The following DNAJC24 variants were observed in gnomAD, a reference collection of about 807,000 sequenced individuals.
DNAJC24 encodes DnaJ heat shock protein family (Hsp40) member C24, also known as dnaJ homolog subfamily C member 24.
DNAJC24 carries 17 observed loss-of-function variants against 18.0 expected under a neutral mutation model. The observed-to-expected ratio is 0.94, with a 90% CI of 0.65 to 1.42. The LOEUF (loss-of-function observed/expected upper bound fraction) is 1.42. Ranked by LOEUF, DNAJC24 falls within the 40% of genes most tolerant of loss-of-function variation. The pLI, the probability that DNAJC24 is intolerant of heterozygous loss-of-function variation, is 0.00. For synonymous variants in DNAJC24, 55 were observed against 57.7 expected, an observed-to-expected ratio of 0.95 and a Z score of 0.21; for missense variants, 158 against 175.6, an observed-to-expected ratio of 0.90 and a Z score of 0.57.
At chr11:31,422,042 G>C in intron 3 of DNAJC24, 1 of 397,978 alleles carries the variant, frequency 2.5e-6, no homozygotes, top group Non-Finnish European at 5.0e-6. Context: ...TGGAGCCACA[G>C]AATTCTTTCA....
intron 2 of DNAJC24, among the ~76,000 whole-genome samples, chr11:31,376,177 T>C (rs1952312977): frequency 6.6e-6 from 1 of 152,376 alleles, no homozygotes; most frequent in African/African-American, 2.4e-5. Flanking sequence ...CCTGCTGCCA[T>C]GTAAGACATG....
At chr11:31,375,189 G>A (rs1461343008) in intron 2 of DNAJC24, among the ~76,000 whole-genome samples, 1 of 134,678 alleles carries the variant, frequency 7.4e-6, no homozygotes, top group Admixed American at 7.6e-5. Flanking sequence ...TAATTAATTT[G>A]CCATTTAGTG....
At chr11:31,406,689 C>T (rs1952661164) in intron 2 of DNAJC24, among the ~76,000 whole-genome samples, 1 of 152,046 alleles carries the variant, frequency 6.6e-6, no homozygotes, top group Non-Finnish European at 1.5e-5. Context: ...GACTTTGAAG[C>T]AGGTAAGATG....
rs1317671186 is a variant in DNAJC24 at position 31,430,835 on chromosome 11, T to C, written c.*434T>C. Reference sequence around the variant, plus strand: ...GTTGTACACCTAGAATCTTTGTGAATAATGTGAGGCCAGTTCTTCCATAAG... The same window carrying C: ...GTTGTACACCTAGAATCTTTGTGAACAATGTGAGGCCAGTTCTTCCATAAG... On this transcript the variant is annotated 3_prime_UTR_variant, in exon 5 of 5. Transcript: ENST00000465995. The C allele has an allele frequency of 2.6e-5, 4 of 152,628 alleles. No individual in the cohort carries two copies. The highest frequency in any genetic ancestry group is 5.9e-5 in the Non-Finnish European group (4 of 68,074). 9.5% of individuals were successfully genotyped at this position (152,628 alleles called of 1,614,324 possible). A position where few individuals can be genotyped will look rare whatever the true frequency, so the allele number is the denominator to read the frequency against.
chr11:31,430,457 G>C lies in DNAJC24; in HGVS notation c.*56G>C. ...TGGTATTGAGACATGATGAGAAGCC[G>C]TTGAGCTTTGTCCATTCAAGGAAAT... On this transcript the variant is annotated 3_prime_UTR_variant, in exon 5 of 5. Transcript: ENST00000465995. 3 of 1,478,230 alleles carry C rather than the reference G, an allele frequency of 2.0e-6. No homozygotes were observed. Among genetic ancestry groups the C allele is most frequent in the Non-Finnish European group, 2.7e-6 (3 of 1,096,158 alleles). The allele number at this position is 1,478,230 out of a possible 1,614,324, so 91.6% of individuals were successfully genotyped here.
intron 2 of DNAJC24, 62 bp downstream of exon 2, chr11:31,370,921 CA>C: frequency 9.3e-7 from 1 of 1,069,798 alleles, no homozygotes; most frequent in African/African-American, 1.6e-5. Context: ...TATATGAAAC[CA>C]CAAATTTAGG....
At chr11:31,371,951 G>A (rs1287379249) in intron 2 of DNAJC24, among the ~76,000 whole-genome samples, 5 of 149,480 alleles carry the variant, frequency 3.3e-5, no homozygotes, top group African/African-American at 9.8e-5. Flanking sequence ...AGCCTCCCAA[G>A]TAGCTGGGAT....
chr11:31,405,909 AG>A (rs1043224422), intron 2 of DNAJC24, among the ~76,000 whole-genome samples: 5 of 152,220 alleles, frequency 3.3e-5, no homozygotes, highest in African/African-American at 1.2e-4. Context: ...CATAGGCAAA[AG>A]GGGGGCCAAA....
At chr11:31,411,902 G>A (rs924415219) in intron 2 of DNAJC24, among the ~76,000 whole-genome samples, 4 of 152,226 alleles carry the variant, frequency 2.6e-5, no homozygotes, top group African/African-American at 9.6e-5. Flanking sequence ...ACTTTGCTCT[G>A]CAAGTTGCTG....
At chr11:31,382,783 ACT>A (rs1237113193) in intron 2 of DNAJC24, among the ~76,000 whole-genome samples, 1 of 152,112 alleles carries the variant, frequency 6.6e-6, no homozygotes, top group Non-Finnish European at 1.5e-5. Flanking sequence ...CAGTTCTGAC[ACT>A]GTTTACCTGG....
intron 3 of DNAJC24, among the ~76,000 whole-genome samples, chr11:31,418,731 G>A (rs1167890445): frequency 6.6e-6 from 1 of 151,978 alleles, no homozygotes; most frequent in East Asian, 1.9e-4. Context: ...GAGGAGGTTG[G>A]GCCAGATACT....
chr11:31,391,509 A>G lies in DNAJC24; in HGVS notation c.111+20650A>G, dbSNP rs559462747. Among the ~76,000 whole-genome samples, 5 of 152,370 alleles carry G rather than the reference A, an allele frequency of 3.3e-5. 1 individual carries two copies. The highest frequency in any genetic ancestry group is 1.9e-4 in the East Asian group (1 of 5,184). On this transcript the variant is annotated intron_variant, in intron 2 of 4. Coordinates refer to ENST00000465995, the MANE Select transcript of DNAJC24 (RefSeq NM_181706.5). ...AAACAGGTGTATGAAAAGTTGTTCA[A>G]TCAACATCATTGATCATCAGTGAAA...
chr11:31,389,330 A>G (rs1952464071), intron 2 of DNAJC24, among the ~76,000 whole-genome samples: 1 of 152,174 alleles, frequency 6.6e-6, no homozygotes, highest in African/African-American at 2.4e-5. Flanking sequence ...GCAAATTGAA[A>G]CAAACAAACA....
Position 31,413,479 on chromosome 11 carries a change from C to T in DNAJC24, c.112-1332C>T, listed in dbSNP as rs557720121. On this transcript the variant is annotated intron_variant, in intron 2 of 4. Coordinates refer to ENST00000465995, the MANE Select transcript of DNAJC24 (RefSeq NM_181706.5). The stretch of plus-strand genomic sequence containing the variant: ...CTGAGTAGCTGGGATTACAGGCGCC[C>T]ACCACCACACCTGGCCAATATTTTT... Among the ~76,000 whole-genome samples, 644 of 151,786 alleles carry T rather than the reference C, an allele frequency of 4.2e-3. 6 individuals are homozygous for T. Among genetic ancestry groups the T allele is most frequent in the African/African-American group, 0.014 (573 of 41,376 alleles).
chr11:31,418,318 A>G (rs566442140), intron 3 of DNAJC24, among the ~76,000 whole-genome samples: 41 of 152,150 alleles, frequency 2.7e-4, no homozygotes, highest in Non-Finnish European at 5.6e-4. Context: ...GTTCACATGA[A>G]TAATACCTGT....
In DNAJC24 at chr11:31,375,304, A is replaced by T. The variant is rs1375519752; in HGVS notation, c.111+4445A>T. ...CCATCCACTACCTCACCTGATTCTC[A>T]CTCACTGTTTCAAAATGATCTTAGT... On this transcript the variant is annotated intron_variant, in intron 2 of 4. Coordinates refer to ENST00000465995, the MANE Select transcript of DNAJC24 (RefSeq NM_181706.5). Among the ~76,000 whole-genome samples, 2 of 134,238 alleles carry T rather than the reference A, an allele frequency of 1.5e-5. 1 individual carries two copies. Among genetic ancestry groups the T allele is most frequent in the Non-Finnish European group, 3.4e-5 (2 of 58,100 alleles). The allele number at this position is 134,238 out of a possible 152,430, so 88.1% of individuals were successfully genotyped here. A position where few individuals can be genotyped will look rare whatever the true frequency, so the allele number is the denominator to read the frequency against.
intron 2 of DNAJC24, among the ~76,000 whole-genome samples, chr11:31,376,481 T>A (rs1474415524): frequency 1.3e-5 from 2 of 152,224 alleles, no homozygotes; most frequent in Non-Finnish European, 2.9e-5. Flanking sequence ...AAGTGTATAA[T>A]TAGTAGCACG....
intron 2 of DNAJC24, among the ~76,000 whole-genome samples, chr11:31,385,489 A>C (rs1952419325): frequency 1.3e-5 from 2 of 152,222 alleles, no homozygotes; most frequent in African/African-American, 4.8e-5. Context: ...AACTGTATGA[A>C]GATCTTAGAA....
intron 2 of DNAJC24, among the ~76,000 whole-genome samples, chr11:31,407,729 TTTTTCAC>T (rs1488062668): frequency 4.5e-5 from 6 of 131,970 alleles, no homozygotes; most frequent in Non-Finnish European, 9.7e-5. Context: ...ATATATAAAA[TTTTTCAC>T]TAAAATCTTT....
Sources: gnomAD v4.1 joint callset for allele counts (sites outside exome capture counted in the v4.1 genomes callset) on GRCh38, gnomAD v4.1.1 for gene constraint, MANE v1.5 for transcripts, NCBI Gene and HGNC (gene_info 2026-07-23, HGNC 2026-07-21) for gene names.